AGBL1: variants seen among roughly 807,000 people sequenced by gnomAD.
The protein encoded by AGBL1 is cytosolic carboxypeptidase 4.
AGBL1 carries 130 observed loss-of-function variants against 118.9 expected under a neutral mutation model. That is an observed-to-expected ratio of 1.09 (90% CI 0.95 to 1.26). The LOEUF (loss-of-function observed/expected upper bound fraction) is 1.26, where lower values mean the gene tolerates loss of function less well. Ranked by LOEUF, AGBL1 falls within the 50% of genes most tolerant of loss-of-function variation. The pLI, the probability that AGBL1 is intolerant of heterozygous loss-of-function variation, is 0.00. For synonymous variants in AGBL1, 555 were observed against 478.9 expected (o/e 1.16, Z -2.08); for missense variants, 1,584 against 1,298.1 (o/e 1.22, Z -3.38).
At chr15:86,940,629 A>C (rs190069711) in intron 23 of AGBL1, among the ~76,000 whole-genome samples, 2 of 152,334 alleles carry the variant, frequency 1.3e-5, no homozygotes, top group African/African-American at 4.8e-5. Context: ...AAATGGAGTC[A>C]CTTATGCTGA....
rs534810414 is a variant in AGBL1 at position 86,490,536 on chromosome 15, TA to T, written c.2556-32273del. ...CTTATTTACTTTGATAAGTTGAGATTATTTTTTTTTACAGGCAGTTACTTTT... is the reference window on the plus strand; with the variant it reads ...CTTATTTACTTTGATAAGTTGAGATTTTTTTTTTTACAGGCAGTTACTTTT... On this transcript the variant is annotated intron_variant, in intron 18 of 22. Coordinates refer to ENST00000614907, the MANE Select transcript of AGBL1 (RefSeq NM_001386094.1). Among the ~76,000 whole-genome samples the T allele has an allele frequency of 3.4e-4, 51 of 152,190 alleles. No homozygotes were observed. The South Asian group carries it at 6.8e-3, about 20-fold the overall frequency.
chr15:86,380,935 AGTGTGTGT>A (rs139872296), intron 17 of AGBL1, among the ~76,000 whole-genome samples: 21 of 149,618 alleles, frequency 1.4e-4, no homozygotes, highest in African/African-American at 5.1e-4. Flanking sequence ...TTACTTATAA[AGTGTGTGT>A]GTGTGTGTGT....
intron 22 of AGBL1, among the ~76,000 whole-genome samples, chr15:86,874,381 G>GAC (rs58756904): frequency 0.31 from 45,811 of 148,858 alleles, 8,163 homozygotes; most frequent in African/African-American, 0.52. Context: ...TTGTGGGTGG[G>GAC]ACACACACAC....
intron 6 of AGBL1, among the ~76,000 whole-genome samples, chr15:86,243,168 A>G (rs1207684121): frequency 3.3e-5 from 5 of 152,166 alleles, no homozygotes; most frequent in African/African-American, 9.7e-5. Context: ...CTGATTGTCA[A>G]AGTTTGTTGT....
chr15:86,557,262 G>A (rs1395701164), intron 21 of AGBL1, among the ~76,000 whole-genome samples: 2 of 152,148 alleles, frequency 1.3e-5, no homozygotes, highest in Admixed American at 6.5e-5. Flanking sequence ...TGCATCCTTT[G>A]GGGGCTCATT....
chr15:86,146,159 A>G (rs1442809566), intron 3 of AGBL1, among the ~76,000 whole-genome samples: 1 of 152,192 alleles, frequency 6.6e-6, no homozygotes, highest in African/African-American at 2.4e-5. Context: ...AAATAGAGCT[A>G]TCTGTATAGT....
intron 22 of AGBL1, among the ~76,000 whole-genome samples, chr15:86,808,796 T>C (rs2078751690): frequency 1.3e-5 from 2 of 151,806 alleles, no homozygotes; most frequent in African/African-American, 4.8e-5. Context: ...CTCATCTGGA[T>C]CATGGTTTCT....
chr15:87,002,995 G>C (rs62031584), intron 24 of AGBL1, among the ~76,000 whole-genome samples: 2 of 152,182 alleles, frequency 1.3e-5, no homozygotes, highest in African/African-American at 2.4e-5. Flanking sequence ...ATTGCCCTGG[G>C]CAGAACTTCC....
chr15:86,992,855 T>C (rs1232905143), intron 24 of AGBL1, among the ~76,000 whole-genome samples: 2 of 152,194 alleles, frequency 1.3e-5, no homozygotes, highest in East Asian at 3.9e-4. Context: ...AGCTTGGCTT[T>C]TCAAAGCCAT....
chr15:86,430,818 A>G lies in AGBL1; in HGVS notation c.2555+33272A>G, dbSNP rs532656346. Among the ~76,000 whole-genome samples, 220 of 152,340 alleles carry G rather than the reference A, an allele frequency of 1.4e-3. 6 individuals are homozygous for G. The South Asian group carries it at 0.044, about 30-fold the overall frequency. On this transcript the variant is annotated intron_variant, in intron 18 of 22. Coordinates refer to ENST00000614907, the MANE Select transcript of AGBL1 (RefSeq NM_001386094.1). Reference sequence around the variant, plus strand: ...TGAGAATGTGGGTTGTATTACGTATAACTTTGTGATACATATACATTTTTA... The same window carrying G: ...TGAGAATGTGGGTTGTATTACGTATGACTTTGTGATACATATACATTTTTA...
intron 17 of AGBL1, among the ~76,000 whole-genome samples, chr15:86,352,861 C>T (rs144717866): frequency 6.6e-6 from 1 of 152,232 alleles, no homozygotes; most frequent in African/African-American, 2.4e-5. Flanking sequence ...TTTTCTGTGT[C>T]TCTATTTTCT....
chr15:86,933,863 A>C (rs1267288407), intron 23 of AGBL1, among the ~76,000 whole-genome samples: 2 of 151,964 alleles, frequency 1.3e-5, no homozygotes, highest in East Asian at 3.9e-4. Flanking sequence ...GGGAAAAACA[A>C]CTCTAGTTTG....
chr15:86,589,954 T>C (rs148451467), intron 21 of AGBL1, among the ~76,000 whole-genome samples: 24 of 152,300 alleles, frequency 1.6e-4, no homozygotes, highest in African/African-American at 5.8e-4. Flanking sequence ...CTCTTACATA[T>C]GTAGGGGCAA....
chr15:86,463,424 G>A (rs2082358636), intron 18 of AGBL1, among the ~76,000 whole-genome samples: 1 of 151,862 alleles, frequency 6.6e-6, no homozygotes, highest in African/African-American at 2.4e-5. Context: ...CTTTTGCTGT[G>A]CAGAAGCTCT....
At chr15:87,006,385 G>A (rs2081503850) in intron 24 of AGBL1, among the ~76,000 whole-genome samples, 1 of 152,188 alleles carries the variant, frequency 6.6e-6, no homozygotes, top group Admixed American at 6.5e-5. Context: ...TCAAGCCTCA[G>A]CAATGGTGGG....
intron 5 of AGBL1, among the ~76,000 whole-genome samples, chr15:86,187,967 T>C (rs1337623950): frequency 6.6e-6 from 1 of 152,222 alleles, no homozygotes; most frequent in Non-Finnish European, 1.5e-5. Context: ...GCATTTCTAA[T>C]AGATACAGTA....
At chr15:86,875,495 T>G (rs143572590) in intron 22 of AGBL1, among the ~76,000 whole-genome samples, 1 of 152,200 alleles carries the variant, frequency 6.6e-6, no homozygotes, top group Admixed American at 6.5e-5. Flanking sequence ...CTCATAACTT[T>G]CTCTTCAGTG....
chr15:86,898,781 GA>G (rs948495288), intron 22 of AGBL1, among the ~76,000 whole-genome samples: 2 of 150,684 alleles, frequency 1.3e-5, no homozygotes, highest in Non-Finnish European at 3.0e-5. Flanking sequence ...GTAAGAATAT[GA>G]AAAAAAAAGC....
At chr15:86,506,574 T>C (rs1041306110) in intron 18 of AGBL1, among the ~76,000 whole-genome samples, 18 of 152,102 alleles carry the variant, frequency 1.2e-4, no homozygotes, top group African/African-American at 1.9e-4. Context: ...ACAACCTTAA[T>C]TGAAGAGTCT....
Sources: allele counts gnomAD v4.1 joint callset (sites outside exome capture counted in the v4.1 genomes callset), GRCh38; gene constraint gnomAD v4.1.1; transcripts MANE v1.5; gene names NCBI Gene and HGNC (gene_info 2026-07-23, HGNC 2026-07-21).